ITIH3: variants seen among roughly 807,000 people sequenced by gnomAD.
The protein encoded by ITIH3 is inter-alpha-trypsin inhibitor heavy chain H3.
In ITIH3, 81 loss-of-function variants were observed where a neutral mutation model predicts 96.5. The observed-to-expected ratio is 0.84, with a 90% CI of 0.70 to 1.01. The LOEUF (loss-of-function observed/expected upper bound fraction) is 1.01. Ranked by LOEUF, ITIH3 falls within the 50% of genes least tolerant of loss-of-function variation. ITIH3 has a pLI of 0.00. For missense variants in ITIH3, 1,057 were observed against 1,139.3 expected, an observed-to-expected ratio of 0.93 and a Z score of 1.04; for synonymous variants, 422 against 445.2, an observed-to-expected ratio of 0.95 and a Z score of 0.66.
Position 52,807,899 on chromosome 3 carries a change from A to T in ITIH3, c.2414A>T (p.Gln805Leu). Residue 805 changes from glutamine to leucine, a missense_variant, in exon 20 of 22, where the codon CAG becomes CTG. Coordinates refer to ENST00000449956, the MANE Select transcript of ITIH3 (RefSeq NM_002217.4). ...YVVDSHRMSAQTHGLLGQFFQ... is the reference protein window; with the variant it reads ...YVVDSHRMSALTHGLLGQFFQ... Reference sequence around the variant, plus strand: ...GTGGACAGTCACCGGATGTCAGCACAGACGCATGGGCTGCTGGGTACGAAG... The same window carrying T: ...GTGGACAGTCACCGGATGTCAGCACTGACGCATGGGCTGCTGGGTACGAAG... 1 of 1,612,760 alleles carries T rather than the reference A, an allele frequency of 6.2e-7. No individual in the cohort carries two copies. Among genetic ancestry groups the T allele is most frequent in the Non-Finnish European group, 8.5e-7 (1 of 1,179,384 alleles).
Position 52,804,060 on chromosome 3 carries a change from C to T in ITIH3, c.1864+51C>T, listed in dbSNP as rs544385794. 5.6e-5 allele frequency: 88 copies of T among 1,574,238 alleles called. No individual in the cohort carries two copies. In the South Asian group the frequency reaches 9.0e-4, roughly 16 times the overall value. ...CCCGGAGGCCTCCTGTGCTGGGCAC[C>T]CTACCTGGGTGTCCAGTGGAGGAGT... is the stretch of plus-strand genomic sequence containing the variant. On this transcript the variant is annotated intron_variant, in intron 14 of 21. Transcript: ENST00000449956.
At position 52,808,607 on chromosome 3, in the gene ITIH3, T is replaced by A; in HGVS notation, c.2599T>A (p.Trp867Arg). Residue 867 changes from tryptophan to arginine, a missense_variant, in exon 22 of 22, where the codon TGG becomes AGG. Coordinates refer to ENST00000449956, the MANE Select transcript of ITIH3 (RefSeq NM_002217.4). ...DASIGTKVVC[W>R]FVHNNGEGLI... ...CAGCATCGGCACGAAGGTTGTCTGC[T>A]GGTTCGTCCACAACAACGGAGAAGG... 1.9e-6 allele frequency: 3 copies of A among 1,614,060 alleles called. No individual in the cohort carries two copies. The highest frequency in any genetic ancestry group is 2.5e-6 in the Non-Finnish European group (3 of 1,179,898).
At chr3:52,795,010 C>A in intron 1 of ITIH3, 114 bp downstream of exon 1, 1 of 850,096 alleles carries the variant, frequency 1.2e-6, no homozygotes, top group Non-Finnish European at 2.0e-6. Context: ...GGGCACTGAG[C>A]TGCTGGGAGT....
Position 52,795,643 on chromosome 3 carries a change from G to T in ITIH3, c.114+20G>T, listed in dbSNP as rs1385345465. On this transcript the variant is annotated intron_variant, in intron 2 of 21. Coordinates refer to ENST00000449956, the MANE Select transcript of ITIH3 (RefSeq NM_002217.4). ...GAAGGGGTAAGAACTTTCACCAGGG[G>T]GTGGGACCGAGTGGGGCAGGGCAGG... is the stretch of plus-strand genomic sequence containing the variant. 6.2e-7 allele frequency: 1 copy of T among 1,611,196 alleles called. No individual in the cohort carries two copies. Among genetic ancestry groups the T allele is most frequent in the Admixed American group, 1.7e-5 (1 of 59,734 alleles).
At chr3:52,803,331 T>A (rs866008329) in intron 13 of ITIH3, among the ~76,000 whole-genome samples, 49 of 141,622 alleles carry the variant, frequency 3.5e-4, no homozygotes, top group African/African-American at 1.2e-3. Context: ...TATTATTTTT[T>A]TTTTTGAGAC....
At chr3:52,801,259 T>C (rs775738167) in intron 11 of ITIH3, 113 bp downstream of exon 11, 194 of 944,166 alleles carry the variant, frequency 2.1e-4, no homozygotes, top group Middle Eastern at 3.3e-4. Context: ...TGGGTCAAAA[T>C]CCACCTCTGA....
chr3:52,806,456 C>A (rs1468609903), intron 18 of ITIH3, 50 bp downstream of exon 18: 2 of 1,428,956 alleles, frequency 1.4e-6, no homozygotes, highest in Non-Finnish European at 1.9e-6. Context: ...CCTGGGAGGG[C>A]TTGGGTCCCC....
At chr3:52,806,232 G>C in intron 17 of ITIH3, 61 bp from the exon 18 acceptor site, 3 of 1,600,024 alleles carry the variant, frequency 1.9e-6, no homozygotes, top group Non-Finnish European at 1.7e-6. Context: ...AGAAGGCTGG[G>C]GGAGGCCCCA....
At chr3:52,804,633 C>T (rs1050313567) in intron 14 of ITIH3, 93 bp from the exon 15 acceptor site, 1 of 1,392,806 alleles carries the variant, frequency 7.2e-7, no homozygotes, top group African/African-American at 1.4e-5. Context: ...CAGCCTAGGG[C>T]TGGTCGGCCA....
chr3:52,803,033 G>A (rs900739057), intron 13 of ITIH3, among the ~76,000 whole-genome samples: 14 of 152,204 alleles, frequency 9.2e-5, no homozygotes, highest in African/African-American at 3.1e-4. Context: ...CCGGGGTAGG[G>A]GGGACTTCAG....
At chr3:52,798,789 T>C in intron 6 of ITIH3, 177 bp from the exon 7 acceptor site, 1 of 668,918 alleles carries the variant, frequency 1.5e-6, no homozygotes, top group Non-Finnish European at 2.5e-6. Flanking sequence ...TCCTGGGAGC[T>C]GCAGAGCACG....
chr3:52,803,967 G>T lies in ITIH3; in HGVS notation c.1822G>T (p.Asp608Tyr). Residue 608 changes from aspartate (D) to tyrosine (Y), a missense_variant, in exon 14 of 22, where the codon GAC becomes TAC. Asp to Tyr is a radical substitution (Grantham distance 160). Coordinates refer to ENST00000449956, the MANE Select transcript of ITIH3 (RefSeq NM_002217.4). ...CTCAATGGTGGTGACCAAGCCTGAG[G>T]ACAACGAGGATGAGAGGGCCATTGC... ...LTSMVVTKPEDNEDERAIADK... is the reference protein window; with the variant it reads ...LTSMVVTKPEYNEDERAIADK... The T allele has an allele frequency of 6.2e-7, 1 of 1,613,826 alleles. No homozygotes were observed.
Position 52,802,684 on chromosome 3 carries a change from C to CT in ITIH3, c.1589dup (p.Thr531HisfsTer25), listed in dbSNP as rs777930574. The CT allele has an allele frequency of 6.8e-6, 11 of 1,613,850 alleles. No individual in the cohort carries two copies. The highest frequency in any genetic ancestry group is 2.7e-5 in the African/African-American group (2 of 74,918). ...CACCCTAGGCCACCAACGACCTGAC[C>CT]TTCACAGAGGAGGTGGACATGAAGG... On this transcript the variant is annotated frameshift_variant, in exon 13 of 22. Coordinates refer to ENST00000449956, the MANE Select transcript of ITIH3 (RefSeq NM_002217.4). LOFTEE classifies it high-confidence loss of function.
intron 19 of ITIH3, among the ~76,000 whole-genome samples, 191 bp downstream of exon 19, chr3:52,807,296 T>A (rs1700093660): frequency 6.6e-6 from 1 of 152,170 alleles, no homozygotes; most frequent in Non-Finnish European, 1.5e-5. Context: ...TGGGGCCCTA[T>A]CAGAGCCAGA....
intron 11 of ITIH3, 117 bp from the exon 12 acceptor site, chr3:52,802,217 A>G (rs1699855174): frequency 9.5e-7 from 1 of 1,055,702 alleles, no homozygotes; most frequent in Non-Finnish European, 1.4e-6. Context: ...AGGGACAGGC[A>G]GAGTGAACAT....
At chr3:52,800,941 T>G in intron 10 of ITIH3, 24 bp from the exon 11 acceptor site, 2 of 1,613,864 alleles carry the variant, frequency 1.2e-6, no homozygotes. Flanking sequence ...GGGGCTGGAC[T>G]GTGAACACCC....
Position 52,802,489 on chromosome 3 carries a change from C to T in ITIH3, c.1539C>T (p.Asn513=). 3 of 1,613,894 alleles carry T rather than the reference C, an allele frequency of 1.9e-6. No homozygotes were observed. Among genetic ancestry groups the T allele is most frequent in the Non-Finnish European group, 2.5e-6 (3 of 1,179,880 alleles). ...GGCGCCTGGTGGACGAGGACATGAA[C>T]AGCTTTAAGGCAGATGTGAAGGGCC... is the stretch of plus-strand genomic sequence containing the variant. ...VAGRLVDEDM[N]SFKADVKGHG... Residue 513 remains asparagine (N), a synonymous_variant, in exon 12 of 22, where the codon AAC becomes AAT. Coordinates refer to ENST00000449956, the MANE Select transcript of ITIH3 (RefSeq NM_002217.4).
At chr3:52,800,463 C>A (rs1360805891) in intron 9 of ITIH3, 75 bp from the exon 10 acceptor site, 1 of 1,529,822 alleles carries the variant, frequency 6.5e-7, no homozygotes, top group African/African-American at 1.4e-5. Context: ...CTGTCCCGGC[C>A]TCCTCCGCTC....
intron 8 of ITIH3, 31 bp downstream of exon 8, chr3:52,799,519 C>A (rs780581349): frequency 2.6e-6 from 4 of 1,511,134 alleles, no homozygotes; most frequent in Non-Finnish European, 3.6e-6. Flanking sequence ...AGCCAGGGCT[C>A]GGGGTAGTAG....
Sources: allele counts gnomAD v4.1 joint callset (sites outside exome capture counted in the v4.1 genomes callset), GRCh38; gene constraint gnomAD v4.1.1; transcripts MANE v1.5; gene names NCBI Gene and HGNC (gene_info 2026-07-23, HGNC 2026-07-21).